SORCS3: variants seen among roughly 807,000 people sequenced by gnomAD.
The protein encoded by SORCS3 is sortilin related VPS10 domain containing receptor 3.
In SORCS3, 57 loss-of-function variants were observed where a neutral mutation model predicts 146.3. The ratio of observed to expected loss-of-function variants is 0.39; its 90% confidence interval spans 0.31 to 0.49. The LOEUF (loss-of-function observed/expected upper bound fraction) is 0.49. Ranked by LOEUF, SORCS3 falls within the 20% of genes least tolerant of loss-of-function variation. SORCS3 has a pLI of 0.92. For missense variants in SORCS3, 1,341 were observed against 1,575.5 expected, an observed-to-expected ratio of 0.85 and a Z score of 2.52; for synonymous variants, 653 against 618.5, an observed-to-expected ratio of 1.06 and a Z score of -0.83.
At chr10:105,130,473 C>T (rs186819621) in intron 7 of SORCS3, among the ~76,000 whole-genome samples, 1 of 152,182 alleles carries the variant, frequency 6.6e-6, no homozygotes, top group Non-Finnish European at 1.5e-5. Flanking sequence ...GTGAAGGGTA[C>T]AAGAAGTTGC....
intron 1 of SORCS3, among the ~76,000 whole-genome samples, chr10:104,766,101 A>G (rs1440471919): frequency 6.6e-6 from 1 of 152,212 alleles, no homozygotes; most frequent in Non-Finnish European, 1.5e-5. Flanking sequence ...ATTCTGCTGC[A>G]TTCAGCAGGG....
intron 6 of SORCS3, among the ~76,000 whole-genome samples, chr10:105,096,959 T>A (rs2055750844): frequency 6.6e-6 from 1 of 152,246 alleles, no homozygotes; most frequent in Admixed American, 6.5e-5. Context: ...CACTTTTCTA[T>A]TTACTTTTAA....
At chr10:105,114,254 A>C (rs2055878486) in intron 7 of SORCS3, among the ~76,000 whole-genome samples, 1 of 152,134 alleles carries the variant, frequency 6.6e-6, no homozygotes. Context: ...CATTTCATAA[A>C]AGAGGTATAA....
intron 1 of SORCS3, among the ~76,000 whole-genome samples, chr10:104,779,020 G>A (rs1311813847): frequency 6.6e-6 from 1 of 152,168 alleles, no homozygotes; most frequent in African/African-American, 2.4e-5. Context: ...TTCTTCATAA[G>A]GGGAGGCAAG....
intron 5 of SORCS3, among the ~76,000 whole-genome samples, chr10:105,052,297 T>C (rs552429638): frequency 1.5e-4 from 23 of 152,238 alleles, no homozygotes; most frequent in African/African-American, 2.9e-4. Flanking sequence ...AATTCCATAG[T>C]GCACATGGCA....
chr10:104,795,719 G>C (rs1564685895), intron 1 of SORCS3, among the ~76,000 whole-genome samples: 1 of 152,234 alleles, frequency 6.6e-6, no homozygotes, highest in African/African-American at 2.4e-5. Context: ...AGTTGGAGTT[G>C]GTGGTGGCCA....
At chr10:105,002,704 G>A (rs545453180) in intron 4 of SORCS3, among the ~76,000 whole-genome samples, 1 of 152,216 alleles carries the variant, frequency 6.6e-6, no homozygotes, top group African/African-American at 2.4e-5. Context: ...ATTGCAGAAA[G>A]TTCTACTGGA....
intron 20 of SORCS3, among the ~76,000 whole-genome samples, chr10:105,234,469 TTC>T (rs949632586): frequency 2.2e-4 from 33 of 152,050 alleles, no homozygotes; most frequent in African/African-American, 8.0e-4. Context: ...TCAGATTTTT[TTC>T]TGTTTCTTTT....
At chr10:104,765,390 A>G (rs1368412808) in intron 1 of SORCS3, among the ~76,000 whole-genome samples, 1 of 152,142 alleles carries the variant, frequency 6.6e-6, no homozygotes, top group Non-Finnish European at 1.5e-5. Context: ...CTAGTCTCCA[A>G]CTCCTAAGTA....
chr10:105,112,008 T>C (rs2055862225), intron 7 of SORCS3, among the ~76,000 whole-genome samples: 1 of 152,214 alleles, frequency 6.6e-6, no homozygotes, highest in African/African-American at 2.4e-5. Context: ...AAAATTGAAC[T>C]GAACATTTTC....
intron 4 of SORCS3, among the ~76,000 whole-genome samples, chr10:105,018,896 A>G (rs917693961): frequency 2.0e-5 from 3 of 152,042 alleles, no homozygotes; most frequent in Non-Finnish European, 4.4e-5. Flanking sequence ...CCAAACTCCA[A>G]TCTGATTTTT....
At position 105,041,410 on chromosome 10, in the gene SORCS3, A is replaced by T. The variant is rs199660725; in HGVS notation, c.955-1645A>T. ...ACAGGCTATTTTGAGGATTAAAAAA[A>T]ATATATATATATATATACACACACA... On this transcript the variant is annotated intron_variant, in intron 4 of 26. Coordinates refer to ENST00000369701, the MANE Select transcript of SORCS3 (RefSeq NM_014978.3). 5.4e-3 allele frequency among the ~76,000 whole-genome samples: 775 copies of T among 144,336 alleles called. 6 individuals carry two copies. The highest frequency in any genetic ancestry group is 0.012 in the African/African-American group (474 of 39,428). The allele number at this position is 144,336 out of a possible 152,430, so 94.7% of individuals were successfully genotyped here.
At chr10:104,729,962 C>T (rs1215000493) in intron 1 of SORCS3, among the ~76,000 whole-genome samples, 2 of 152,216 alleles carry the variant, frequency 1.3e-5, no homozygotes, top group Admixed American at 6.5e-5. Context: ...GCCAAGAGAA[C>T]TTGACCTTAT....
intron 5 of SORCS3, among the ~76,000 whole-genome samples, chr10:105,053,428 A>G (rs1418220433): frequency 6.6e-6 from 1 of 151,988 alleles, no homozygotes; most frequent in Non-Finnish European, 1.5e-5. Context: ...ACACAGACAC[A>G]CACTAGCCAT....
intron 1 of SORCS3, among the ~76,000 whole-genome samples, chr10:104,677,708 T>C (rs1189596703): frequency 1.3e-5 from 2 of 152,298 alleles, no homozygotes; most frequent in East Asian, 3.9e-4. Flanking sequence ...ATGAGGCCAT[T>C]ATCTGCCATT....
chr10:105,107,199 A>G (rs1292280465), intron 7 of SORCS3, among the ~76,000 whole-genome samples: 1 of 152,154 alleles, frequency 6.6e-6, no homozygotes, highest in Non-Finnish European at 1.5e-5. Context: ...TTGCCAAATT[A>G]AATGAACCCA....
intron 22 of SORCS3, 29 bp downstream of exon 22, chr10:105,247,360 C>A: frequency 1.5e-6 from 2 of 1,313,370 alleles, no homozygotes; most frequent in East Asian, 2.3e-5. Context: ...TTTTTAAGTT[C>A]TTGTGAATAA....
intron 7 of SORCS3, among the ~76,000 whole-genome samples, chr10:105,130,198 T>A (rs547264334): frequency 3.3e-5 from 5 of 152,256 alleles, no homozygotes; most frequent in African/African-American, 1.2e-4. Context: ...CAGGTTAAAT[T>A]ACTTGTACAA....
intron 1 of SORCS3, among the ~76,000 whole-genome samples, chr10:104,701,495 G>A (rs563597027): frequency 4.8e-4 from 73 of 152,278 alleles, no homozygotes; most frequent in Admixed American, 2.4e-3. Flanking sequence ...TTTCACTGGA[G>A]AGCCCATTCA....
Sources: allele counts gnomAD v4.1 joint callset (sites outside exome capture counted in the v4.1 genomes callset), GRCh38; gene constraint gnomAD v4.1.1; transcripts MANE v1.5; gene names NCBI Gene and HGNC (gene_info 2026-07-23, HGNC 2026-07-21).